CREB1: variants seen among roughly 807,000 people sequenced by gnomAD.
CREB1 encodes the protein cyclic AMP-responsive element-binding protein 1.
In CREB1, 2 loss-of-function variants were observed where a neutral mutation model predicts 42.0. The ratio of observed to expected loss-of-function variants is 0.05; its 90% confidence interval spans 0.02 to 0.15. The LOEUF is 0.15. CREB1 is among the 10% of genes least tolerant of loss of function. The pLI is 1.00. For synonymous variants in CREB1, 123 were observed against 139.9 expected, an observed-to-expected ratio of 0.88 and a Z score of 0.85; for missense variants, 199 against 388.9, an observed-to-expected ratio of 0.51 and a Z score of 4.11.
chr2:207,576,687 G>T, intron 6 of CREB1: 1 of 1,283,246 alleles, frequency 7.8e-7, no homozygotes, highest in Non-Finnish European at 1.0e-6. Context: ...ACGTCAGTTT[G>T]AAGATGGTAA....
intron 3 of CREB1, among the ~76,000 whole-genome samples, chr2:207,562,949 CTTCTCTG>C (rs2082009783): frequency 6.6e-6 from 1 of 152,170 alleles, no homozygotes; most frequent in Admixed American, 6.5e-5. Context: ...GCAAATAATA[CTTCTCTG>C]TTCTCAAGAA....
intron 1 of CREB1, among the ~76,000 whole-genome samples, chr2:207,545,526 TTA>T (rs1408544287): frequency 6.6e-6 from 1 of 151,992 alleles, no homozygotes; most frequent in African/African-American, 2.4e-5. Flanking sequence ...AGAAAGGTTC[TTA>T]TATGTTTTAT....
chr2:207,551,417 A>T (rs756864598), intron 1 of CREB1, among the ~76,000 whole-genome samples: 3 of 152,238 alleles, frequency 2.0e-5, no homozygotes, highest in East Asian at 3.9e-4. Context: ...ACTGTTTAAT[A>T]ACTCTAACGA....
At chr2:207,561,701 C>T (rs574202117) in intron 3 of CREB1, among the ~76,000 whole-genome samples, 1 of 152,208 alleles carries the variant, frequency 6.6e-6, no homozygotes, top group African/African-American at 2.4e-5. Flanking sequence ...TCTTCACCAT[C>T]CTGGTTGTTT....
At chr2:207,549,982 A>G (rs1030533802) in intron 1 of CREB1, among the ~76,000 whole-genome samples, 14 of 152,092 alleles carry the variant, frequency 9.2e-5, no homozygotes, top group Admixed American at 2.0e-4. Flanking sequence ...AAAAAAAAAA[A>G]AGAGAGAAAA....
At chr2:207,530,859 C>T (rs867135096) in intron 1 of CREB1, among the ~76,000 whole-genome samples, 1 of 151,262 alleles carries the variant, frequency 6.6e-6, no homozygotes, top group Admixed American at 6.6e-5. Context: ...CGTGCCCTTT[C>T]CCCCCCGCTC....
At chr2:207,596,841 A>G (rs1251612952) in intron 7 of CREB1, 73 bp from the exon 8 acceptor site, 16 of 1,540,766 alleles carry the variant, frequency 1.0e-5, no homozygotes, top group Non-Finnish European at 1.4e-5. Context: ...TTAAAAAAGA[A>G]AAAAAAAAGG....
In CREB1 at chr2:207,602,588, GA is replaced by G. The variant is rs1420590252; in HGVS notation, c.*5534del. ...TAGCTTAAAAATTGGTAGGGAGGAA[GA>G]AAATCTCTGCAAATAATGATTTTAT... On this transcript the variant is annotated 3_prime_UTR_variant, in exon 8 of 8. Coordinates refer to ENST00000353267, the MANE Select transcript of CREB1 (RefSeq NM_004379.5). 2 of 211,984 alleles carry G rather than the reference GA, an allele frequency of 9.4e-6. No individual in the cohort carries two copies. Among genetic ancestry groups the G allele is most frequent in the African/African-American group, 4.5e-5 (2 of 44,158 alleles). The allele number at this position is 211,984 out of a possible 1,614,324, so 13.1% of individuals were successfully genotyped here. A position where few individuals can be genotyped will look rare whatever the true frequency, so the allele number is the denominator to read the frequency against.
At chr2:207,591,942 T>C (rs975881098) in intron 7 of CREB1, among the ~76,000 whole-genome samples, 1 of 152,188 alleles carries the variant, frequency 6.6e-6, no homozygotes, top group Admixed American at 6.5e-5. Flanking sequence ...TAATTTTCAA[T>C]TGTCTTCATT....
rs550700979 is a variant in CREB1, at chr2:207,580,168, A to G, written c.839+2513A>G. Among the ~76,000 whole-genome samples the G allele has an allele frequency of 1.7e-3, 258 of 152,310 alleles. 3 individuals are homozygous for G. The highest frequency in any genetic ancestry group is 0.013 in the South Asian group (65 of 4,830). ...GAGAAGGTAAATATCAGAAAATTCA[A>G]ATATTTTGCCAAAGGTCACACACTT... On this transcript the variant is annotated intron_variant, in intron 7 of 7. Coordinates refer to ENST00000353267, the MANE Select transcript of CREB1 (RefSeq NM_004379.5).
In CREB1 at chr2:207,603,605, T is replaced by G. The variant is rs947707801; in HGVS notation, c.*6547T>G. On this transcript the variant is annotated 3_prime_UTR_variant, in exon 8 of 8. Transcript: ENST00000353267. ...TCTTCAGTTACTGGATCCCTAATTT[T>G]CAGGACAAAACCTGTTTTTCAATAA... is the stretch of plus-strand genomic sequence containing the variant. Among the ~76,000 whole-genome samples the G allele has an allele frequency of 6.6e-6, 1 of 152,326 alleles. No homozygotes were observed. Among genetic ancestry groups the G allele is most frequent in the Admixed American group, 6.5e-5 (1 of 15,296 alleles).
At chr2:207,557,186 C>T (rs529985299) in intron 2 of CREB1, among the ~76,000 whole-genome samples, 19 of 151,980 alleles carry the variant, frequency 1.3e-4, no homozygotes, top group Non-Finnish European at 2.6e-4. Flanking sequence ...ATGATGATAG[C>T]CCTTAACACA....
intron 3 of CREB1, among the ~76,000 whole-genome samples, chr2:207,564,757 C>T (rs1000431350): frequency 6.6e-6 from 1 of 151,998 alleles, no homozygotes; most frequent in African/African-American, 2.4e-5. Context: ...TTGAGAAATA[C>T]AGACCTAAAA....
chr2:207,558,023 G>T (rs1335547969), intron 2 of CREB1, among the ~76,000 whole-genome samples: 1 of 152,180 alleles, frequency 6.6e-6, no homozygotes, highest in East Asian at 1.9e-4. Flanking sequence ...TTGGGTTCCT[G>T]TTAGAGTTGA....
chr2:207,604,417 G>A lies in CREB1; in HGVS notation c.*7359G>A, dbSNP rs768798446. Among the ~76,000 whole-genome samples the A allele has an allele frequency of 6.6e-6, 1 of 152,054 alleles. No homozygotes were observed. The highest frequency in any genetic ancestry group is 1.5e-5 in the Non-Finnish European group (1 of 68,034). On this transcript the variant is annotated 3_prime_UTR_variant, in exon 8 of 8. Coordinates refer to ENST00000353267, the MANE Select transcript of CREB1 (RefSeq NM_004379.5). ...CACTATCCATCTGTTAAATTGTTTA[G>A]GGGAAACCTAGAAAAGCACTACCTT...
At position 207,602,226 on chromosome 2, in the gene CREB1, A is replaced by T. The variant is rs1336137046; in HGVS notation, c.*5168A>T. Reference sequence around the variant, plus strand: ...TGTTTTAGCTTGAAATTTATTTTTTAAAAAAAGAAAAATTTAAAAAATATA... The same window carrying T: ...TGTTTTAGCTTGAAATTTATTTTTTTAAAAAAGAAAAATTTAAAAAATATA... On this transcript the variant is annotated 3_prime_UTR_variant, in exon 8 of 8. Coordinates refer to ENST00000353267, the MANE Select transcript of CREB1 (RefSeq NM_004379.5). 4 of 185,332 alleles carry T rather than the reference A, an allele frequency of 2.2e-5. No individual in the cohort carries two copies. Among genetic ancestry groups the T allele is most frequent in the East Asian group, 8.7e-5 (1 of 11,530 alleles). The allele number at this position is 185,332 out of a possible 1,614,324, so 11.5% of individuals were successfully genotyped here.
At chr2:207,534,402 A>G (rs2080781228) in intron 1 of CREB1, among the ~76,000 whole-genome samples, 1 of 151,902 alleles carries the variant, frequency 6.6e-6, no homozygotes, top group African/African-American at 2.4e-5. Flanking sequence ...ACGCCCGGCT[A>G]ATTTTTGTGT....
chr2:207,541,870 C>G (rs1362606001), intron 1 of CREB1, among the ~76,000 whole-genome samples: 1 of 152,148 alleles, frequency 6.6e-6, no homozygotes, highest in Non-Finnish European at 1.5e-5. Flanking sequence ...ATACCTGCAG[C>G]CCTAGGCAAC....
intron 1 of CREB1, 34 bp downstream of exon 1, chr2:207,530,168 AGAGAGCCGGG>A (rs976493117): frequency 1.3e-5 from 2 of 152,996 alleles, no homozygotes; most frequent in African/African-American, 2.4e-5. Flanking sequence ...CAGGAGCCAG[AGAGAGCCGGG>A]GGGACGGAGG....
Sources: gnomAD v4.1 joint callset for allele counts (sites outside exome capture counted in the v4.1 genomes callset) on GRCh38, gnomAD v4.1.1 for gene constraint, MANE v1.5 for transcripts, NCBI Gene and HGNC (gene_info 2026-07-23, HGNC 2026-07-21) for gene names.